Variants in USO1 observed in about 807,000 individuals in gnomAD.
USO1 encodes the protein USO1 vesicle transport factor, also known as general vesicular transport factor p115.
In USO1, 57 loss-of-function variants were observed where a neutral mutation model predicts 124.5. That is an observed-to-expected ratio of 0.46 (90% confidence interval 0.37 to 0.57). USO1 has a LOEUF of 0.57. Among genes scored for constraint, USO1 ranks in the 20% least tolerant of loss-of-function variants. The pLI, the probability that USO1 is intolerant of heterozygous loss-of-function variation, is 0.00. For synonymous variants in USO1, 369 were observed against 362.8 expected (o/e 1.02, Z -0.19); for missense variants, 900 against 1,040.6 (o/e 0.86, Z 1.86).
chr4:75,731,017 T>C (rs1266329352), intron 1 of USO1, among the ~76,000 whole-genome samples: 7 of 152,154 alleles, frequency 4.6e-5, no homozygotes, highest in Non-Finnish European at 1.0e-4. Context: ...CTTAAAACGA[T>C]GTCCTTTTGA....
chr4:75,742,545 A>G (rs1378742268), intron 1 of USO1, among the ~76,000 whole-genome samples: 5 of 152,172 alleles, frequency 3.3e-5, no homozygotes, highest in Admixed American at 6.6e-5. Context: ...CTGTATTTAC[A>G]TATGTGTTAT....
chr4:75,775,212 G>A (rs763489583), intron 8 of USO1, among the ~76,000 whole-genome samples: 2 of 152,096 alleles, frequency 1.3e-5, no homozygotes, highest in Non-Finnish European at 2.9e-5. Context: ...AGGAGAGCTA[G>A]TTAATTATTG....
chr4:75,790,896 T>A (rs556790593), intron 12 of USO1, 99 bp downstream of exon 12: 32 of 1,343,038 alleles, frequency 2.4e-5, no homozygotes, highest in Admixed American at 3.3e-5. Flanking sequence ...TAAAATACTT[T>A]GCATGCTTAG....
At chr4:75,768,652 T>C (rs778241998) in intron 4 of USO1, among the ~76,000 whole-genome samples, 7 of 152,228 alleles carry the variant, frequency 4.6e-5, no homozygotes, top group African/African-American at 7.2e-5. Flanking sequence ...CTGACTAGGA[T>C]CTTCAGGTCA....
At chr4:75,788,733 G>A (rs758804380) in intron 10 of USO1, among the ~76,000 whole-genome samples, 17 of 151,510 alleles carry the variant, frequency 1.1e-4, no homozygotes, top group Admixed American at 2.0e-4. Context: ...TAGTAGAGAC[G>A]GGGTTCCACC....
At chr4:75,782,117 G>A (rs1722237235) in intron 8 of USO1, among the ~76,000 whole-genome samples, 1 of 152,188 alleles carries the variant, frequency 6.6e-6, no homozygotes, top group Non-Finnish European at 1.5e-5. Flanking sequence ...TAGAAATCAA[G>A]GGAAGTTTCA....
Position 75,793,827 on chromosome 4 carries a change from A to G in USO1, c.1378A>G (p.Arg460Gly), listed in dbSNP as rs764435225. Residue 460 changes from arginine (R) to glycine (G), a missense_variant, in exon 13 of 24, where the codon AGG becomes GGG. Around this residue, in one of 2 missense-constraint regions of USO1, gnomAD observed 538 missense variants for 681.6 expected, o/e 0.79. Transcript: ENST00000514213. ...ENATQKEQLL[R>G]VQLATSIGNP... ...TGCCACCCAGAAAGAACAGTTGCTC[A>G]GGGTTCAACTTGCTACAAGTATTGG... 6.2e-7 allele frequency: 1 copy of G among 1,614,008 alleles called. No homozygotes were observed. Among genetic ancestry groups the G allele is most frequent in the Non-Finnish European group, 8.5e-7 (1 of 1,179,880 alleles).
chr4:75,776,758 G>T (rs1186896422), intron 8 of USO1, among the ~76,000 whole-genome samples: 1 of 152,144 alleles, frequency 6.6e-6, no homozygotes, highest in Non-Finnish European at 1.5e-5. Context: ...AGATAGAGTG[G>T]TTCCTCCTCA....
chr4:75,725,706 G>T (rs1418541292), intron 1 of USO1, among the ~76,000 whole-genome samples: 2 of 152,022 alleles, frequency 1.3e-5, no homozygotes, highest in African/African-American at 4.8e-5. Flanking sequence ...TTGAAGTTTG[G>T]TTAGTGTTTA....
At chr4:75,757,783 A>T (rs947105390) in intron 4 of USO1, among the ~76,000 whole-genome samples, 1 of 152,090 alleles carries the variant, frequency 6.6e-6, no homozygotes, top group African/African-American at 2.4e-5. Flanking sequence ...TTATAGTGAG[A>T]TGGAATAAGA....
intron 12 of USO1, among the ~76,000 whole-genome samples, chr4:75,792,600 G>A (rs1249125506): frequency 1.3e-5 from 2 of 152,076 alleles, no homozygotes; most frequent in African/African-American, 4.8e-5. Context: ...GGGAGGCTGA[G>A]GTGCGAGAAT....
intron 19 of USO1, among the ~76,000 whole-genome samples, chr4:75,805,665 C>T (rs1269613008): frequency 6.6e-6 from 1 of 151,690 alleles, no homozygotes; most frequent in African/African-American, 2.4e-5. Context: ...CGAGATCACC[C>T]CACTTCACCT....
intron 20 of USO1, among the ~76,000 whole-genome samples, 175 bp downstream of exon 20, chr4:75,806,747 T>G (rs1168522724): frequency 1.3e-5 from 2 of 152,220 alleles, no homozygotes; most frequent in African/African-American, 2.4e-5. Flanking sequence ...AGTACTTTGC[T>G]TTTTATTGTG....
chr4:75,795,257 G>C (rs772976668), intron 13 of USO1: 37 of 695,992 alleles, frequency 5.3e-5, no homozygotes, highest in Admixed American at 6.1e-5. Flanking sequence ...CTATGAAAAA[G>C]TATTTGAGGG....
Position 75,804,187 on chromosome 4 carries a change from T to G in USO1, c.2040T>G (p.Asn680Lys). ...RQQVSTLKCQNEQLQTAVTQQ... is the reference protein window; with the variant it reads ...RQQVSTLKCQKEQLQTAVTQQ... The stretch of plus-strand genomic sequence containing the variant: ...AGGTTTCTACATTAAAATGTCAAAA[T>G]GAACAGCTCCAGACGGCAGTCACAC... Residue 680 changes from asparagine to lysine, a missense_variant, in exon 18 of 24, where the codon AAT becomes AAG. Asn to Lys is a moderately conservative substitution (Grantham distance 94, BLOSUM62 0). Around this residue, in one of 2 missense-constraint regions of USO1, gnomAD observed 362 missense variants for 359.0 expected, o/e 1.01. Coordinates refer to ENST00000514213, the MANE Select transcript of USO1 (RefSeq NM_003715.4). 1.2e-6 allele frequency: 2 copies of G among 1,613,556 alleles called. No individual in the cohort carries two copies. The highest frequency in any genetic ancestry group is 8.5e-7 in the Non-Finnish European group (1 of 1,179,708).
chr4:75,726,815 G>A (rs1202885728), intron 1 of USO1, among the ~76,000 whole-genome samples: 1 of 152,096 alleles, frequency 6.6e-6, no homozygotes, highest in African/African-American at 2.4e-5. Context: ...TTTTTTGTCT[G>A]ATATTTGTGT....
At chr4:75,774,174 T>C (rs1560449159) in intron 7 of USO1, among the ~76,000 whole-genome samples, 1 of 152,204 alleles carries the variant, frequency 6.6e-6, no homozygotes, top group African/African-American at 2.4e-5. Context: ...CATCTTCCTT[T>C]TTTATTTTGA....
intron 8 of USO1, among the ~76,000 whole-genome samples, chr4:75,777,416 G>T (rs1274186681): frequency 6.6e-6 from 1 of 152,128 alleles, no homozygotes; most frequent in Non-Finnish European, 1.5e-5. Flanking sequence ...CTTCACAGAT[G>T]AGAAGAAAAT....
chr4:75,791,334 G>C (rs940287578), intron 12 of USO1, among the ~76,000 whole-genome samples: 18 of 152,322 alleles, frequency 1.2e-4, no homozygotes, highest in Admixed American at 9.1e-4. Flanking sequence ...GACCAGCCTA[G>C]CCAACATGGT....
Sources: allele counts gnomAD v4.1 joint callset (sites outside exome capture counted in the v4.1 genomes callset), GRCh38; gene constraint gnomAD v4.1.1; regional missense constraint gnomAD v4.1.1; transcripts MANE v1.5; gene names NCBI Gene and HGNC (gene_info 2026-07-23, HGNC 2026-07-21).